The following EYS variants were observed in gnomAD, a reference collection of about 807,000 sequenced individuals.
EYS encodes the protein protein eyes shut homolog.
A neutral mutation model predicts 282.1 loss-of-function variants in EYS; 250 were observed. The ratio of observed to expected loss-of-function variants is 0.89; its 90% CI spans 0.80 to 0.98. EYS has a LOEUF of 0.98. EYS is among the 50% of genes least tolerant of loss of function. The pLI is 0.00. For synonymous variants in EYS, 1,355 were observed against 1,282.9 expected (o/e 1.06, Z -1.20); for missense variants, 4,016 against 3,709.0 (o/e 1.08, Z -2.15).
In EYS at chr6:65,369,265, GTA is replaced by G. The variant is rs1440070454; in HGVS notation, c.1299+15119_1299+15120del. ...ATTTGTGACCAAGCAGTGTGTGTGT[GTA>G]TATATATATTTATATATATTATATA... On this transcript the variant is annotated intron_variant, in intron 8 of 42. Coordinates refer to ENST00000503581, the MANE Select transcript of EYS (RefSeq NM_001142800.2). Among the ~76,000 whole-genome samples, 3 of 139,348 alleles carry G rather than the reference GTA, an allele frequency of 2.2e-5. 1 individual carries two copies. Among genetic ancestry groups the G allele is most frequent in the Admixed American group, 1.6e-4 (2 of 12,354 alleles). The allele number at this position is 139,348 out of a possible 152,430, so 91.4% of individuals were successfully genotyped here. A position where few individuals can be genotyped will look rare whatever the true frequency, so the allele number is the denominator to read the frequency against.
At chr6:64,740,921 G>A (rs1343698446) in intron 22 of EYS, among the ~76,000 whole-genome samples, 1 of 151,998 alleles carries the variant, frequency 6.6e-6, no homozygotes, top group East Asian at 1.9e-4. Flanking sequence ...CACCATGTTA[G>A]CCAGGATGGT....
At chr6:65,416,255 T>G (rs1767228342) in intron 5 of EYS, among the ~76,000 whole-genome samples, 1 of 151,918 alleles carries the variant, frequency 6.6e-6, no homozygotes, top group Admixed American at 6.6e-5. Flanking sequence ...AAAAAATACA[T>G]AGTGTGGGTT....
At chr6:64,047,281 T>TATTA (rs1260594978) in intron 33 of EYS, among the ~76,000 whole-genome samples, 3 of 152,158 alleles carry the variant, frequency 2.0e-5, no homozygotes, top group African/African-American at 7.2e-5. Flanking sequence ...CAGAGGTTGT[T>TATTA]ATTAAAAATG....
chr6:64,105,089 G>T (rs1023522295), intron 31 of EYS, among the ~76,000 whole-genome samples: 13 of 151,704 alleles, frequency 8.6e-5, no homozygotes, highest in African/African-American at 2.9e-4. Context: ...AGGATGAAGA[G>T]GAGAACTAGG....
intron 37 of EYS, among the ~76,000 whole-genome samples, chr6:63,795,233 C>G (rs1288594554): frequency 6.6e-6 from 1 of 152,142 alleles, no homozygotes; most frequent in African/African-American, 2.4e-5. Flanking sequence ...CATGGGGCAA[C>G]AAGATGAGAT....
intron 35 of EYS, among the ~76,000 whole-genome samples, chr6:63,879,607 T>C (rs1773074272): frequency 6.6e-6 from 1 of 152,228 alleles, no homozygotes; most frequent in South Asian, 2.1e-4. Flanking sequence ...ACTCTTTCTC[T>C]TATAAATGCA....
intron 5 of EYS, among the ~76,000 whole-genome samples, chr6:65,428,903 C>T (rs1306814694): frequency 1.3e-5 from 2 of 152,102 alleles, no homozygotes; most frequent in African/African-American, 2.4e-5. Context: ...ATGTTCTGAG[C>T]CGGGCGTGGT....
chr6:65,670,845 G>A (rs945501337), intron 1 of EYS, among the ~76,000 whole-genome samples: 2 of 151,404 alleles, frequency 1.3e-5, no homozygotes, highest in Admixed American at 6.6e-5. Flanking sequence ...TACAATCCTT[G>A]TTTCCTTGGC....
At chr6:65,497,538 C>A (rs945082846) in intron 2 of EYS, among the ~76,000 whole-genome samples, 2 of 151,820 alleles carry the variant, frequency 1.3e-5, no homozygotes, top group Non-Finnish European at 2.9e-5. Flanking sequence ...AAAGGAATTA[C>A]AATTAAAGAT....
intron 37 of EYS, among the ~76,000 whole-genome samples, chr6:63,804,198 T>C (rs1378934503): frequency 7.2e-5 from 11 of 152,122 alleles, no homozygotes; most frequent in Non-Finnish European, 1.6e-4. Flanking sequence ...GTATTTTTAG[T>C]AGAGACGGGG....
chr6:64,028,543 T>C (rs1362127775), intron 33 of EYS, among the ~76,000 whole-genome samples: 6 of 152,216 alleles, frequency 3.9e-5, no homozygotes, highest in Admixed American at 2.6e-4. Context: ...GAATGGTTCA[T>C]AGTTCTGGAC....
At chr6:64,149,316 C>T (rs184982865) in intron 31 of EYS, among the ~76,000 whole-genome samples, 3 of 152,240 alleles carry the variant, frequency 2.0e-5, no homozygotes, top group East Asian at 1.9e-4. Flanking sequence ...GTATACGTAA[C>T]GACACATCAA....
chr6:64,714,325 C>T (rs1771303297), intron 22 of EYS, among the ~76,000 whole-genome samples: 1 of 152,012 alleles, frequency 6.6e-6, no homozygotes, highest in Non-Finnish European at 1.5e-5. Context: ...TAATAAGTGT[C>T]TTTTCCCAGA....
At chr6:64,533,848 T>C (rs1307135096) in intron 26 of EYS, among the ~76,000 whole-genome samples, 1 of 151,760 alleles carries the variant, frequency 6.6e-6, no homozygotes, top group Non-Finnish European at 1.5e-5. Flanking sequence ...CATATGCATA[T>C]GTATTTAACA....
chr6:64,643,192 C>A (rs1186571625), intron 22 of EYS, among the ~76,000 whole-genome samples: 1 of 151,882 alleles, frequency 6.6e-6, no homozygotes, highest in African/African-American at 2.4e-5. Flanking sequence ...CACCCACTTC[C>A]TTTCTTAGGG....
At chr6:64,667,857 C>T (rs1769287819) in intron 22 of EYS, among the ~76,000 whole-genome samples, 1 of 152,028 alleles carries the variant, frequency 6.6e-6, no homozygotes, top group Admixed American at 6.6e-5. Context: ...GAAAGGACTC[C>T]ATGTATTCAG....
chr6:64,799,622 A>C (rs1774473593), intron 22 of EYS, among the ~76,000 whole-genome samples: 1 of 150,538 alleles, frequency 6.6e-6, no homozygotes, highest in Non-Finnish European at 1.5e-5. Flanking sequence ...GATGCAATCT[A>C]TACCTGTGCT....
In EYS at chr6:65,565,004, G is replaced by T. The variant is rs1223457039; in HGVS notation, c.-332-69011C>A. 1.6e-4 allele frequency among the ~76,000 whole-genome samples: 8 copies of T among 49,576 alleles called. 4 individuals carry two copies. Among genetic ancestry groups the T allele is most frequent in the African/African-American group, 3.9e-4 (2 of 5,188 alleles). 32.5% of individuals were successfully genotyped at this position (49,576 alleles called of 152,430 possible). A position where few individuals can be genotyped will look rare whatever the true frequency, so the allele number is the denominator to read the frequency against. On this transcript the variant is annotated intron_variant, in intron 2 of 42. Coordinates refer to ENST00000503581, the MANE Select transcript of EYS (RefSeq NM_001142800.2). Reference sequence around the variant, plus strand: ...CTCACGCCTGTAATCCCAGCACTTTGGGAGGCCGAGGCGGGCGGATCACGA... The same window carrying T: ...CTCACGCCTGTAATCCCAGCACTTTTGGAGGCCGAGGCGGGCGGATCACGA...
intron 37 of EYS, among the ~76,000 whole-genome samples, chr6:63,804,888 A>G (rs1424231904): frequency 6.6e-6 from 1 of 152,216 alleles, no homozygotes; most frequent in Admixed American, 6.5e-5. Context: ...AGGTTTCAGC[A>G]TAGGGATGGG....
Sources: gnomAD v4.1 joint callset for allele counts (sites outside exome capture counted in the v4.1 genomes callset) on GRCh38, gnomAD v4.1.1 for gene constraint, MANE v1.5 for transcripts, NCBI Gene and HGNC (gene_info 2026-07-23, HGNC 2026-07-21) for gene names.